Variants in DTD1 observed in about 807,000 individuals in gnomAD.
The protein encoded by DTD1 is D-aminoacyl-tRNA deacylase 1.
In DTD1, 13 loss-of-function variants were observed where a neutral mutation model predicts 25.6. The ratio of observed to expected loss-of-function variants is 0.51; its 90% CI spans 0.33 to 0.81. DTD1 has a LOEUF of 0.81. Ranked by LOEUF, DTD1 falls within the 30% of genes least tolerant of loss-of-function variation. The pLI is 0.02. For missense variants in DTD1, 193 were observed against 266.4 expected (o/e 0.72, Z 1.92); for synonymous variants, 110 against 103.6 (o/e 1.06, Z -0.37).
At chr20:18,627,365 C>T (rs1013258284) in intron 3 of DTD1, among the ~76,000 whole-genome samples, 19 of 152,166 alleles carry the variant, frequency 1.2e-4, no homozygotes, top group African/African-American at 4.3e-4. Context: ...GCCGCAGTAG[C>T]CCAAAAGCAG....
chr20:18,723,088 C>G (rs2061210854), intron 4 of DTD1, among the ~76,000 whole-genome samples: 1 of 152,228 alleles, frequency 6.6e-6, no homozygotes, highest in South Asian at 2.1e-4. Context: ...TTCTCAGCCT[C>G]ACCACTCTTG....
intron 4 of DTD1, among the ~76,000 whole-genome samples, chr20:18,708,940 A>G (rs1346385034): frequency 1.3e-5 from 2 of 152,192 alleles, no homozygotes; most frequent in Non-Finnish European, 2.9e-5. Context: ...ATGGGTTTGC[A>G]GTGCAAATAC....
rs1050438542 is a variant in DTD1, at chr20:18,745,803, T to C, written c.*19+1532T>C. Among the ~76,000 whole-genome samples the C allele has an allele frequency of 3.9e-5, 6 of 152,082 alleles. No individual in the cohort carries two copies. The South Asian group carries it at 1.2e-3, about 32-fold the overall frequency. On this transcript the variant is annotated intron_variant, in intron 5 of 5. Transcript: ENST00000377452. ...GGTCTGGTATGCAACCCTGAGGAAT[T>C]TGGATTTTATCCTGGGGCGGGAGGG...
chr20:18,709,460 T>A (rs6035106), intron 4 of DTD1, among the ~76,000 whole-genome samples: 1 of 151,902 alleles, frequency 6.6e-6, no homozygotes, highest in Admixed American at 6.6e-5. Flanking sequence ...TTCTGGAAGG[T>A]GTTGAAAAAT....
At chr20:18,721,273 AG>A (rs2061202250) in intron 4 of DTD1, among the ~76,000 whole-genome samples, 1 of 151,956 alleles carries the variant, frequency 6.6e-6, no homozygotes, top group Non-Finnish European at 1.5e-5. Flanking sequence ...TAGTTTCTTG[AG>A]GGCATTTACC....
chr20:18,741,707 T>C (rs2061278696), intron 4 of DTD1, among the ~76,000 whole-genome samples: 1 of 151,826 alleles, frequency 6.6e-6, no homozygotes, highest in African/African-American at 2.4e-5. Flanking sequence ...ATTTTCAAGA[T>C]TTATCTATTT....
At chr20:18,730,498 G>T (rs551168024) in intron 4 of DTD1, among the ~76,000 whole-genome samples, 2 of 152,276 alleles carry the variant, frequency 1.3e-5, no homozygotes, top group East Asian at 3.9e-4. Context: ...TCAGTTTCAT[G>T]AATCATAAGT....
At chr20:18,733,704 A>C (rs1210402550) in intron 4 of DTD1, among the ~76,000 whole-genome samples, 3 of 152,234 alleles carry the variant, frequency 2.0e-5, no homozygotes, top group African/African-American at 7.2e-5. Context: ...TCTTTCAAAC[A>C]ATGGGGAATT....
At chr20:18,670,764 G>A (rs2060949005) in intron 4 of DTD1, among the ~76,000 whole-genome samples, 1 of 152,218 alleles carries the variant, frequency 6.6e-6, no homozygotes, top group Non-Finnish European at 1.5e-5. Flanking sequence ...AGCAAATCAA[G>A]CCAATGAACA....
At chr20:18,648,708 G>A (rs888687739) in intron 4 of DTD1, among the ~76,000 whole-genome samples, 12 of 151,984 alleles carry the variant, frequency 7.9e-5, no homozygotes, top group African/African-American at 1.5e-4. Flanking sequence ...GATTATTGGC[G>A]TGAATTTTAC....
At chr20:18,708,244 A>ATATATTAT (rs370120832) in intron 4 of DTD1, among the ~76,000 whole-genome samples, 1 of 41,406 alleles carries the variant, frequency 2.4e-5, no homozygotes, top group African/African-American at 1.3e-4. Context: ...ATATATATAT[A>ATATATTAT]ATATATATTA....
intron 5 of DTD1, among the ~76,000 whole-genome samples, chr20:18,746,378 C>A (rs1052356310): frequency 2.6e-5 from 4 of 152,118 alleles, no homozygotes; most frequent in African/African-American, 9.7e-5. Flanking sequence ...TATGAAATGG[C>A]TTTTAGGATC....
At chr20:18,650,408 C>T (rs906833129) in intron 4 of DTD1, among the ~76,000 whole-genome samples, 3 of 152,142 alleles carry the variant, frequency 2.0e-5, no homozygotes, top group Non-Finnish European at 4.4e-5. Context: ...ATCACGGCCC[C>T]GTCCTCCCTG....
intron 4 of DTD1, among the ~76,000 whole-genome samples, chr20:18,662,577 G>C (rs1392870975): frequency 6.6e-6 from 1 of 152,222 alleles, no homozygotes; most frequent in East Asian, 1.9e-4. Flanking sequence ...GCTCAATACA[G>C]CGTTATCCAA....
At chr20:18,654,895 C>T (rs1237507709) in intron 4 of DTD1, among the ~76,000 whole-genome samples, 2 of 151,746 alleles carry the variant, frequency 1.3e-5, no homozygotes, top group African/African-American at 4.8e-5. Context: ...GCTAAAAAAC[C>T]CTTTGTCTTT....
intron 1 of DTD1, among the ~76,000 whole-genome samples, chr20:18,588,324 C>G (rs1030918655): frequency 3.4e-4 from 52 of 152,020 alleles, no homozygotes; most frequent in African/African-American, 1.3e-3. Flanking sequence ...TGCACGTGCC[C>G]GACCGGCCCC....
intron 4 of DTD1, among the ~76,000 whole-genome samples, chr20:18,727,412 G>A (rs2061226215): frequency 6.6e-6 from 1 of 152,060 alleles, no homozygotes. Context: ...GAGGAAGTGG[G>A]TGGCGAGGAG....
intron 3 of DTD1, among the ~76,000 whole-genome samples, chr20:18,615,529 G>A (rs567282056): frequency 6.6e-6 from 1 of 152,158 alleles, no homozygotes; most frequent in Non-Finnish European, 1.5e-5. Context: ...CGCTGTCCAA[G>A]TTGAGTGTTA....
intron 4 of DTD1, among the ~76,000 whole-genome samples, chr20:18,734,149 G>A (rs1568684734): frequency 1.3e-5 from 2 of 152,154 alleles, no homozygotes; most frequent in South Asian, 2.1e-4. Flanking sequence ...AAAATGCCAC[G>A]TTAGATTCAG....
Sources: allele counts gnomAD v4.1 joint callset (sites outside exome capture counted in the v4.1 genomes callset), GRCh38; gene constraint gnomAD v4.1.1; transcripts MANE v1.5; gene names NCBI Gene and HGNC (gene_info 2026-07-23, HGNC 2026-07-21).